Variants in CTNNA3 observed in about 807,000 individuals in gnomAD.
CTNNA3 encodes the protein catenin alpha 3.
CTNNA3 carries 76 observed loss-of-function variants against 95.7 expected under a neutral mutation model. The ratio of observed to expected loss-of-function variants is 0.79; its 90% CI spans 0.66 to 0.96. The LOEUF (loss-of-function observed/expected upper bound fraction) is 0.96. CTNNA3 is among the 40% of genes least tolerant of loss of function. The pLI, the probability that CTNNA3 is intolerant of heterozygous loss-of-function variation, is 0.00. For missense variants in CTNNA3, 1,191 were observed against 1,089.8 expected (o/e 1.09, Z -1.31); for synonymous variants, 431 against 374.4 (o/e 1.15, Z -1.74).
intron 5 of CTNNA3, among the ~76,000 whole-genome samples, chr10:67,415,069 T>C (rs746368714): frequency 1.3e-5 from 2 of 152,146 alleles, no homozygotes; most frequent in East Asian, 1.9e-4. Context: ...GGGCAAATGA[T>C]GGAAATATTT....
At chr10:66,295,560 A>G (rs1019463305) in intron 12 of CTNNA3, among the ~76,000 whole-genome samples, 14 of 152,168 alleles carry the variant, frequency 9.2e-5, no homozygotes, top group African/African-American at 2.9e-4. Flanking sequence ...ATTACTTGCA[A>G]TAAGGTAGTG....
intron 7 of CTNNA3, among the ~76,000 whole-genome samples, chr10:67,031,877 A>T (rs187480171): frequency 6.6e-6 from 1 of 152,310 alleles, no homozygotes; most frequent in African/African-American, 2.4e-5. Context: ...GGGCCACAAA[A>T]CATGCTTATC....
intron 7 of CTNNA3, among the ~76,000 whole-genome samples, chr10:66,948,757 A>C (rs1212141212): frequency 6.6e-6 from 1 of 152,194 alleles, no homozygotes; most frequent in African/African-American, 2.4e-5. Context: ...TGCTCCCTTC[A>C]TTCCTATGAT....
chr10:66,009,226 C>T (rs1430695807), intron 15 of CTNNA3, among the ~76,000 whole-genome samples: 1 of 152,142 alleles, frequency 6.6e-6, no homozygotes, highest in African/African-American at 2.4e-5. Flanking sequence ...ATCATCTCTA[C>T]TAAGATTAAG....
intron 7 of CTNNA3, among the ~76,000 whole-genome samples, chr10:67,026,819 GTTAA>G (rs1364941804): frequency 7.2e-5 from 11 of 152,142 alleles, no homozygotes; most frequent in African/African-American, 2.7e-4. Context: ...CTTCTCATGT[GTTAA>G]TTAAAAGAGT....
chr10:66,400,255 A>C (rs1325529856), intron 11 of CTNNA3, among the ~76,000 whole-genome samples: 1 of 152,096 alleles, frequency 6.6e-6, no homozygotes, highest in Non-Finnish European at 1.5e-5. Flanking sequence ...TATCCTACAG[A>C]TTTGTCACTA....
intron 13 of CTNNA3, among the ~76,000 whole-genome samples, chr10:66,254,230 T>C (rs1482747258): frequency 6.6e-6 from 1 of 152,192 alleles, no homozygotes; most frequent in East Asian, 1.9e-4. Context: ...ACTCCTTATC[T>C]GAGGAATTTA....
chr10:67,694,664 T>A (rs1840930110), intron 1 of CTNNA3, among the ~76,000 whole-genome samples: 1 of 152,108 alleles, frequency 6.6e-6, no homozygotes, highest in South Asian at 2.1e-4. Context: ...ATAGGTAATA[T>A]TCTGTGGAAA....
intron 5 of CTNNA3, among the ~76,000 whole-genome samples, chr10:67,392,315 T>C (rs183485876): frequency 1.3e-5 from 2 of 152,336 alleles, no homozygotes; most frequent in African/African-American, 4.8e-5. Flanking sequence ...ATGCTCATCA[T>C]CACTGGCCAT....
At chr10:66,165,777 T>C (rs1016585898) in intron 13 of CTNNA3, among the ~76,000 whole-genome samples, 4 of 151,848 alleles carry the variant, frequency 2.6e-5, no homozygotes, top group Non-Finnish European at 5.9e-5. Context: ...TTTATTATTA[T>C]TATTATTTTG....
At chr10:67,620,907 G>A (rs1284542302) in intron 2 of CTNNA3, among the ~76,000 whole-genome samples, 1 of 87,606 alleles carries the variant, frequency 1.1e-5, no homozygotes, top group Non-Finnish European at 2.0e-5. Context: ...ATGTATATGT[G>A]TGTGTGTGTG....
At chr10:66,817,976 C>T (rs1169568028) in intron 7 of CTNNA3, among the ~76,000 whole-genome samples, 5 of 151,872 alleles carry the variant, frequency 3.3e-5, no homozygotes, top group African/African-American at 9.7e-5. Context: ...AAGGCAAGAC[C>T]GTTTCAACAT....
intron 9 of CTNNA3, among the ~76,000 whole-genome samples, chr10:66,706,188 TA>T (rs1848110928): frequency 6.6e-6 from 1 of 152,036 alleles, no homozygotes. Context: ...TTCTTCAGTC[TA>T]TCCAAATAAA....
At chr10:67,726,198 TATATC>T (rs1190258750) in intron 1 of CTNNA3, among the ~76,000 whole-genome samples, 10 of 106,484 alleles carry the variant, frequency 9.4e-5, no homozygotes, top group Non-Finnish European at 5.0e-5. Flanking sequence ...TAATATATAA[TATATC>T]ATATATTATA....
rs141850645 is a variant in CTNNA3 at position 65,986,366 on chromosome 10, A to G, written c.2265+2326T>C. Among the ~76,000 whole-genome samples the G allele has an allele frequency of 6.5e-3, 981 of 151,478 alleles. 10 individuals are homozygous for G. The highest frequency in any genetic ancestry group is 0.023 in the African/African-American group (935 of 41,512). On this transcript the variant is annotated intron_variant, in intron 16 of 17. Coordinates refer to ENST00000433211, the MANE Select transcript of CTNNA3 (RefSeq NM_013266.4). Reference sequence around the variant, plus strand: ...CTTAGATTTGATAAAAAAATTCAATAAAGTTGAAGGATATCAAATCAACCT... The same window carrying G: ...CTTAGATTTGATAAAAAAATTCAATGAAGTTGAAGGATATCAAATCAACCT...
intron 11 of CTNNA3, among the ~76,000 whole-genome samples, chr10:66,399,271 C>G (rs1452631728): frequency 6.6e-6 from 1 of 151,676 alleles, no homozygotes; most frequent in African/African-American, 2.4e-5. Flanking sequence ...TCCATGGGCT[C>G]TGATTTATTT....
chr10:67,160,301 A>G (rs2394356), intron 7 of CTNNA3, among the ~76,000 whole-genome samples: 97,555 of 152,018 alleles, frequency 0.64, 32,371 homozygotes, highest in African/African-American at 0.82. Context: ...GCTATGGAAA[A>G]CAGCATGGCA....
chr10:67,705,798 A>G (rs1001948811), intron 1 of CTNNA3, among the ~76,000 whole-genome samples: 2 of 150,752 alleles, frequency 1.3e-5, no homozygotes, highest in Non-Finnish European at 2.9e-5. Flanking sequence ...AAAAAAAAAG[A>G]AAGAAAGAAA....
At chr10:66,095,508 C>T (rs114616200) in intron 14 of CTNNA3, among the ~76,000 whole-genome samples, 3,252 of 151,968 alleles carry the variant, frequency 0.021, 114 homozygotes, top group African/African-American at 0.074. Flanking sequence ...AAGGTAATTC[C>T]GTACAAATTT....
Sources: allele counts gnomAD v4.1 joint callset (sites outside exome capture counted in the v4.1 genomes callset), GRCh38; gene constraint gnomAD v4.1.1; transcripts MANE v1.5; gene names NCBI Gene and HGNC (gene_info 2026-07-23, HGNC 2026-07-21).